WDR33: variants seen among roughly 807,000 people sequenced by gnomAD.
WDR33 encodes WD repeat domain 33.
A neutral mutation model predicts 164.9 loss-of-function variants in WDR33; 47 were observed. That is an observed-to-expected ratio of 0.29 (90% CI 0.23 to 0.36). WDR33 has a LOEUF of 0.36. WDR33 is among the 10% of genes least tolerant of loss of function. The probability of loss-of-function intolerance (pLI) is 1.00; values close to 1 mark genes in which losing one functional copy is unlikely to be tolerated. For missense variants in WDR33, 1,137 were observed against 1,754.1 expected, an observed-to-expected ratio of 0.65 and a Z score of 6.28; for synonymous variants, 505 against 589.0, an observed-to-expected ratio of 0.86 and a Z score of 2.06.
chr2:127,732,410 C>T (rs1028847234), intron 7 of WDR33, among the ~76,000 whole-genome samples: 1 of 151,932 alleles, frequency 6.6e-6, no homozygotes, highest in Admixed American at 6.6e-5. Context: ...CAGCCTCTGA[C>T]TCCTGGGCTC....
rs751651146 is a variant in WDR33, at chr2:127,709,887, T to C, written c.3309-31A>G. The C allele has an allele frequency of 6.2e-7, 1 of 1,608,812 alleles. No homozygotes were observed. The highest frequency in any genetic ancestry group is 1.7e-5 in the Admixed American group (1 of 59,038). Reference sequence around the variant, plus strand: ...AAGAGAAAACAGCAGAATGTCCATCTCAGAGAACACCTTGCCACTCTAAGT... The same window carrying C: ...AAGAGAAAACAGCAGAATGTCCATCCCAGAGAACACCTTGCCACTCTAAGT... On this transcript the variant is annotated intron_variant, in intron 18 of 21. Transcript: ENST00000322313. The surrounding 1 kb of genome is among the most constrained non-coding windows in gnomAD (Gnocchi z 5.0).
At chr2:127,766,409 A>G (rs1687822424) in intron 4 of WDR33, among the ~76,000 whole-genome samples, 2 of 152,310 alleles carry the variant, frequency 1.3e-5, no homozygotes, top group African/African-American at 4.8e-5. Context: ...TGATTATCAG[A>G]TTAAAAGCCT....
chr2:127,701,605 TG>T lies in WDR33; in HGVS notation c.*4717del. ...GGCGGCCCGGCGGCCGCGGAGCCGC[TG>T]CTCGCCGCGGAGAAGGCGGAGGAGC... is the stretch of plus-strand genomic sequence containing the variant. On this transcript the variant is annotated 3_prime_UTR_variant, in exon 22 of 22. Coordinates refer to ENST00000322313, the MANE Select transcript of WDR33 (RefSeq NM_018383.5). 7.4e-7 allele frequency: 1 copy of T among 1,348,344 alleles called. No individual in the cohort carries two copies. The highest frequency in any genetic ancestry group is 1.9e-5 in the South Asian group (1 of 53,134). 83.5% of individuals were successfully genotyped at this position (1,348,344 alleles called of 1,614,324 possible).
intron 1 of WDR33, among the ~76,000 whole-genome samples, chr2:127,802,261 A>G (rs952484865): frequency 2.0e-5 from 3 of 152,212 alleles, no homozygotes; most frequent in African/African-American, 7.2e-5. Context: ...ACAGCATGCC[A>G]ACTTTCTTCT....
rs776328420 is a variant in WDR33 at position 127,764,583 on chromosome 2, T to G, written c.626+245A>C. 32 of 1,551,662 alleles carry G rather than the reference T, an allele frequency of 2.1e-5. No homozygotes were observed. The African/African-American group carries it at 4.1e-4, about 20-fold the overall frequency. ...ATCATAAATGAAAAGAGAAAACCAG[T>G]GCAAAATGCGGCAGACAGTACATCT... On this transcript the variant is annotated intron_variant, in intron 6 of 21. Coordinates refer to ENST00000322313, the MANE Select transcript of WDR33 (RefSeq NM_018383.5). This position sits in a 1 kb window ranked among gnomAD's most constrained non-coding sequence, Gnocchi z 6.2.
At position 127,741,002 on chromosome 2, in the gene WDR33, T is replaced by C. The variant is rs1480464095; in HGVS notation, c.725-14225A>G. Among the ~76,000 whole-genome samples the C allele has an allele frequency of 6.6e-6, 1 of 152,098 alleles. No individual in the cohort carries two copies. The highest frequency in any genetic ancestry group is 1.5e-5 in the Non-Finnish European group (1 of 68,012). ...AGAGAAAAATGAAACCCAAAATACATAGACTGTAGTTGTCAGTGACAAAGG... is the reference window on the plus strand; with the variant it reads ...AGAGAAAAATGAAACCCAAAATACACAGACTGTAGTTGTCAGTGACAAAGG... On this transcript the variant is annotated intron_variant, in intron 7 of 21. Transcript: ENST00000322313. This position sits in a 1 kb window ranked among gnomAD's most constrained non-coding sequence, Gnocchi z 4.1.
At position 127,701,876 on chromosome 2, in the gene WDR33, G is replaced by A. The variant is rs1397564801; in HGVS notation, c.*4447C>T. 1 of 1,457,044 alleles carries A rather than the reference G, an allele frequency of 6.9e-7. No individual in the cohort carries two copies. Among genetic ancestry groups the A allele is most frequent in the Admixed American group, 2.5e-5 (1 of 39,878 alleles). 90.3% of individuals were successfully genotyped at this position (1,457,044 alleles called of 1,614,324 possible). The stretch of plus-strand genomic sequence containing the variant: ...TCGCGCTGCTCTGGTCACTGGGCTC[G>A]GCGCTGGCGTTGGCGGGAAGCGCGC... On this transcript the variant is annotated 3_prime_UTR_variant, in exon 22 of 22. Coordinates refer to ENST00000322313, the MANE Select transcript of WDR33 (RefSeq NM_018383.5).
rs750587472 is a variant in WDR33, at chr2:127,709,712, T to A, written c.3453A>T (p.Arg1151=). 6.2e-7 allele frequency: 1 copy of A among 1,614,238 alleles called. No homozygotes were observed. Among genetic ancestry groups the A allele is most frequent in the Admixed American group, 1.7e-5 (1 of 60,034 alleles). The change falls in exon 19 of 22, where the codon CGA becomes CGT. Residue 1151 remains arginine (R), a synonymous_variant. Transcript: ENST00000322313. This position sits in a 1 kb window ranked among gnomAD's most constrained non-coding sequence, Gnocchi z 5.0. The part of the protein sequence containing the change: ...EAARGRDLRG[R]GRGTPRGGRK... ...GCTCACCTCGTGGGGTACCCCGACC[T>A]CGACCTCTGAGATCTCGTCCTCGGG...
At chr2:127,807,401 GT>G (rs1689478811) in intron 1 of WDR33, among the ~76,000 whole-genome samples, 1 of 152,188 alleles carries the variant, frequency 6.6e-6, no homozygotes, top group South Asian at 2.1e-4. Flanking sequence ...AGCAAACAGA[GT>G]AGAGAGCAGG....
At position 127,708,971 on chromosome 2, in the gene WDR33, G is replaced by A. The variant is rs13427252; in HGVS notation, c.3566-79C>T. ...ATGGGAATGACACTGTGAGAGTAAGGAGCAACTCGAGAGCCACCGTTCACT... is the reference window on the plus strand; with the variant it reads ...ATGGGAATGACACTGTGAGAGTAAGAAGCAACTCGAGAGCCACCGTTCACT... On this transcript the variant is annotated intron_variant, in intron 20 of 21. Coordinates refer to ENST00000322313, the MANE Select transcript of WDR33 (RefSeq NM_018383.5). The surrounding 1 kb of genome is among the most constrained non-coding windows in gnomAD (Gnocchi z 6.7). The A allele has an allele frequency of 1.4e-3, 1,943 of 1,385,632 alleles. 24 individuals carry two copies. In the African/African-American group the frequency reaches 0.025, roughly 18 times the overall value. The allele number at this position is 1,385,632 out of a possible 1,614,324, so 85.8% of individuals were successfully genotyped here. A position where few individuals can be genotyped will look rare whatever the true frequency, so the allele number is the denominator to read the frequency against.
At chr2:127,793,174 T>C (rs1688901105) in intron 1 of WDR33, among the ~76,000 whole-genome samples, 1 of 152,210 alleles carries the variant, frequency 6.6e-6, no homozygotes, top group South Asian at 2.1e-4. Flanking sequence ...CTCATGCCTG[T>C]AATCCTAGCA....
chr2:127,759,978 C>T (rs1378445609), intron 7 of WDR33, among the ~76,000 whole-genome samples: 1 of 152,066 alleles, frequency 6.6e-6, no homozygotes, highest in African/African-American at 2.4e-5. Context: ...TCAAGAAGAC[C>T]CAACAGCTGT....
chr2:127,728,986 G>T (rs1003386707), intron 7 of WDR33, among the ~76,000 whole-genome samples: 1 of 152,142 alleles, frequency 6.6e-6, no homozygotes, highest in South Asian at 2.1e-4. Flanking sequence ...AACTTCAGCT[G>T]CTTTGCTTTC....
chr2:127,743,971 T>C (rs1272848033), intron 7 of WDR33, among the ~76,000 whole-genome samples: 2 of 152,176 alleles, frequency 1.3e-5, no homozygotes, highest in East Asian at 3.8e-4. Context: ...AGGTAAAGGA[T>C]TGGCAGATTT....
At chr2:127,796,504 A>G (rs1259128896) in intron 1 of WDR33, among the ~76,000 whole-genome samples, 1 of 151,968 alleles carries the variant, frequency 6.6e-6, no homozygotes, top group Non-Finnish European at 1.5e-5. Context: ...GCTTGAGCTC[A>G]AGAGTTCAAG....
In WDR33 at chr2:127,720,842, A is replaced by T. The variant is rs1028611857; in HGVS notation, c.1672-489T>A. ...CCAAAGTGCTGGGATTACAGGCGTG[A>T]GCCACTGTGCCTGGCCTAGTCAGGA... On this transcript the variant is annotated intron_variant, in intron 15 of 21. Transcript: ENST00000322313. This position sits in a 1 kb window ranked among gnomAD's most constrained non-coding sequence, Gnocchi z 5.9. Among the ~76,000 whole-genome samples, 5 of 152,204 alleles carry T rather than the reference A, an allele frequency of 3.3e-5. No homozygotes were observed. The highest frequency in any genetic ancestry group is 1.2e-4 in the African/African-American group (5 of 41,452).
intron 1 of WDR33, among the ~76,000 whole-genome samples, chr2:127,786,844 CTTT>C (rs71307273): frequency 0.023 from 2,537 of 111,820 alleles, 83 homozygotes; most frequent in African/African-American, 0.081. Flanking sequence ...CCTTTCTGTT[CTTT>C]TTTTTTTTTT....
At chr2:127,808,181 A>C (rs1336536199) in intron 1 of WDR33, among the ~76,000 whole-genome samples, 1 of 151,714 alleles carries the variant, frequency 6.6e-6, no homozygotes, top group Non-Finnish European at 1.5e-5. Flanking sequence ...TCACAGAAAG[A>C]AAAAAAATGT....
intron 21 of WDR33, among the ~76,000 whole-genome samples, chr2:127,707,407 T>C (rs1686047602): frequency 6.6e-6 from 1 of 152,088 alleles, no homozygotes; most frequent in Non-Finnish European, 1.5e-5. Flanking sequence ...CTAGCTGAGA[T>C]GAAGTTAGGA....
Sources: allele counts gnomAD v4.1 joint callset (sites outside exome capture counted in the v4.1 genomes callset), GRCh38; gene constraint gnomAD v4.1.1; non-coding constraint Gnocchi (gnomAD v3.1); transcripts MANE v1.5; gene names NCBI Gene and HGNC (gene_info 2026-07-23, HGNC 2026-07-21).